CLEC5A: variants seen among roughly 807,000 people sequenced by gnomAD.
CLEC5A encodes the protein C-type lectin domain containing 5A.
CLEC5A carries 15 observed loss-of-function variants against 24.4 expected under a neutral mutation model. The ratio of observed to expected loss-of-function variants is 0.62; its 90% CI spans 0.41 to 0.95. CLEC5A has a LOEUF of 0.95. CLEC5A is among the 40% of genes least tolerant of loss of function. The pLI, the probability that CLEC5A is intolerant of heterozygous loss-of-function variation, is 0.00. For synonymous variants in CLEC5A, 71 were observed against 72.6 expected (o/e 0.98, Z 0.11); for missense variants, 211 against 224.0 (o/e 0.94, Z 0.37).
intron 2 of CLEC5A, 86 bp downstream of exon 2, chr7:141,946,128 C>G (rs1802947269): frequency 7.0e-7 from 1 of 1,432,442 alleles, no homozygotes; most frequent in East Asian, 2.5e-5. Flanking sequence ...GATATGTAAC[C>G]TTTACACACA....
At chr7:141,940,374 CTTCT>C (rs1554441517) in intron 4 of CLEC5A, among the ~76,000 whole-genome samples, 1 of 151,582 alleles carries the variant, frequency 6.6e-6, no homozygotes, top group Non-Finnish European at 1.5e-5. Context: ...AATTGAAAAA[CTTCT>C]TTTAACAAAT....
At chr7:141,934,946 C>G (rs1802575057) in intron 5 of CLEC5A, among the ~76,000 whole-genome samples, 2 of 152,148 alleles carry the variant, frequency 1.3e-5, no homozygotes, top group Non-Finnish European at 2.9e-5. Context: ...CTTGCTTCTT[C>G]CCGTTGCCTT....
chr7:141,934,317 G>A (rs1450284864), intron 5 of CLEC5A, among the ~76,000 whole-genome samples: 2 of 152,184 alleles, frequency 1.3e-5, no homozygotes, highest in Non-Finnish European at 2.9e-5. Flanking sequence ...GGCATAGAGA[G>A]AAAAGGACTT....
intron 4 of CLEC5A, among the ~76,000 whole-genome samples, chr7:141,937,879 G>A (rs1193408432): frequency 6.6e-6 from 1 of 152,234 alleles, no homozygotes; most frequent in Non-Finnish European, 1.5e-5. Flanking sequence ...AAGAGTCTCT[G>A]TCTGGTAATC....
At chr7:141,941,100 A>G (rs1802783822) in intron 4 of CLEC5A, among the ~76,000 whole-genome samples, 1 of 152,140 alleles carries the variant, frequency 6.6e-6, no homozygotes, top group Admixed American at 6.5e-5. Flanking sequence ...TTACCCTGAT[A>G]CCAAAACCAG....
At chr7:141,940,444 C>A (rs537038010) in intron 4 of CLEC5A, among the ~76,000 whole-genome samples, 72 of 151,094 alleles carry the variant, frequency 4.8e-4, no homozygotes, top group Non-Finnish European at 8.1e-4. Context: ...GAAGTTTATA[C>A]CTATAAGTGC....
intron 4 of CLEC5A, among the ~76,000 whole-genome samples, chr7:141,938,852 A>G (rs1184159167): frequency 6.6e-6 from 1 of 152,170 alleles, no homozygotes; most frequent in Non-Finnish European, 1.5e-5. Context: ...GCCAGGAGAG[A>G]GTGGCATGGC....
chr7:141,930,951 G>A (rs992451272), intron 6 of CLEC5A, among the ~76,000 whole-genome samples: 1 of 152,180 alleles, frequency 6.6e-6, no homozygotes, highest in Admixed American at 6.5e-5. Context: ...CCTCCTCTCT[G>A]TAGGGAAGCC....
chr7:141,941,960 T>C (rs534196388), intron 4 of CLEC5A, among the ~76,000 whole-genome samples: 1 of 152,102 alleles, frequency 6.6e-6, no homozygotes, highest in South Asian at 2.1e-4. Flanking sequence ...TATTCCATGT[T>C]TGTGGATTGG....
chr7:141,945,475 A>C, intron 2 of CLEC5A, 75 bp from the exon 3 acceptor site: 2 of 948,338 alleles, frequency 2.1e-6, no homozygotes, highest in Non-Finnish European at 3.5e-6. Flanking sequence ...GTATCAGCAC[A>C]GGGGCTGCTA....
chr7:141,942,350 G>T (rs1284291022), intron 4 of CLEC5A, among the ~76,000 whole-genome samples: 2 of 152,026 alleles, frequency 1.3e-5, no homozygotes, highest in Admixed American at 1.3e-4. Flanking sequence ...TTCAATAAAT[G>T]GTTCTGGGAC....
At chr7:141,946,115 T>C in intron 2 of CLEC5A, 99 bp downstream of exon 2, 1 of 1,330,282 alleles carries the variant, frequency 7.5e-7, no homozygotes, top group Admixed American at 2.1e-5. Flanking sequence ...GTGGAAAGAC[T>C]TGGATATGTA....
At chr7:141,942,283 A>C (rs1043311114) in intron 4 of CLEC5A, among the ~76,000 whole-genome samples, 1 of 152,164 alleles carries the variant, frequency 6.6e-6, no homozygotes, top group African/African-American at 2.4e-5. Context: ...CTACGTCTAT[A>C]GTGAACTCAT....
chr7:141,935,977 C>T (rs372329278), intron 4 of CLEC5A, 27 bp from the exon 5 acceptor site: 32 of 1,604,962 alleles, frequency 2.0e-5, no homozygotes, highest in Middle Eastern at 1.7e-4. Context: ...AAGGAGAGTA[C>T]GAGTTTACTG....
At position 141,946,299 on chromosome 7, in the gene CLEC5A, G is replaced by A; in HGVS notation, c.-7C>T. ...TGATCATGTGCCAGTTCATGATGAA[G>A]GAGCTGCAGGGGCCTGTGAAGATTA... On this transcript the variant is annotated 5_prime_UTR_variant, in exon 2 of 7. Coordinates refer to ENST00000546910, the MANE Select transcript of CLEC5A (RefSeq NM_013252.3). 1 of 1,562,094 alleles carries A rather than the reference G, an allele frequency of 6.4e-7. No individual in the cohort carries two copies. Among genetic ancestry groups the A allele is most frequent in the East Asian group, 2.3e-5 (1 of 42,728 alleles).
intron 3 of CLEC5A, 29 bp downstream of exon 3, chr7:141,945,312 G>A: frequency 2.6e-6 from 4 of 1,513,580 alleles, no homozygotes; most frequent in Non-Finnish European, 3.7e-6. Context: ...CAGGAGGATG[G>A]GGAGAAGATT....
intron 4 of CLEC5A, among the ~76,000 whole-genome samples, chr7:141,937,586 G>T (rs1408069296): frequency 9.8e-5 from 15 of 152,306 alleles, no homozygotes; most frequent in African/African-American, 3.6e-4. Context: ...GACCTATTTA[G>T]GGCCTGGTGG....
In CLEC5A at chr7:141,946,797, A is replaced by G. The variant is rs1802969241; in HGVS notation, c.-21+10T>C. On this transcript the variant is annotated intron_variant, in intron 1 of 6. Transcript: ENST00000546910. ...CAGTCCATGCAGCCAAGACAGACAG[A>G]CAGACTCACCTCTTTCTCCCTGGAA... 1 of 152,648 alleles carries G rather than the reference A, an allele frequency of 6.6e-6. No homozygotes were observed. The highest frequency in any genetic ancestry group is 1.9e-4 in the East Asian group (1 of 5,190). 9.5% of individuals were successfully genotyped at this position (152,648 alleles called of 1,614,324 possible).
chr7:141,932,929 C>T (rs1243807046), intron 5 of CLEC5A, among the ~76,000 whole-genome samples: 1 of 152,156 alleles, frequency 6.6e-6, no homozygotes, highest in Non-Finnish European at 1.5e-5. Flanking sequence ...GGTCTAAAAC[C>T]AGAATCCTTA....
Sources: allele counts gnomAD v4.1 joint callset (sites outside exome capture counted in the v4.1 genomes callset), GRCh38; gene constraint gnomAD v4.1.1; transcripts MANE v1.5; gene names NCBI Gene and HGNC (gene_info 2026-07-23, HGNC 2026-07-21).